CPA6: variants seen among roughly 807,000 people sequenced by gnomAD.
CPA6 encodes carboxypeptidase B.
A neutral mutation model predicts 63.3 loss-of-function variants in CPA6; 58 were observed. The ratio of observed to expected loss-of-function variants is 0.92; its 90% confidence interval spans 0.74 to 1.14. The LOEUF (loss-of-function observed/expected upper bound fraction) is 1.14, where lower values mean the gene tolerates loss of function less well. Among genes scored for constraint, CPA6 ranks in the 50% most tolerant of loss-of-function variants. The pLI, the probability that CPA6 is intolerant of heterozygous loss-of-function variation, is 0.00. For missense variants in CPA6, 565 were observed against 526.6 expected (o/e 1.07, Z -0.71); for synonymous variants, 185 against 179.0 (o/e 1.03, Z -0.27).
rs144893942 is a variant in CPA6 at position 67,554,362 on chromosome 8, T to C, written c.193-36315A>G. Among the ~76,000 whole-genome samples the C allele has an allele frequency of 4.6e-3, 694 of 152,202 alleles. 4 individuals carry two copies. Among genetic ancestry groups the C allele is most frequent in the African/African-American group, 0.016 (648 of 41,532 alleles). ...GAGCAAGAGAGAATAAGAGAGGTGC[T>C]ACACAATTTTAAACAACCAGGTTTC... On this transcript the variant is annotated intron_variant, in intron 2 of 10. Transcript: ENST00000297770.
intron 1 of CPA6, among the ~76,000 whole-genome samples, chr8:67,658,217 G>T (rs13439620): frequency 0.04 from 6,055 of 152,056 alleles, 265 homozygotes; most frequent in African/African-American, 0.1. Flanking sequence ...TCCATCTGAG[G>T]TTTGCCACTG....
At chr8:67,539,464 A>G (rs185901013) in intron 2 of CPA6, among the ~76,000 whole-genome samples, 77 of 152,212 alleles carry the variant, frequency 5.1e-4, no homozygotes, top group African/African-American at 1.7e-3. Context: ...GAATCTGACA[A>G]TTATGTGTCT....
intron 2 of CPA6, among the ~76,000 whole-genome samples, chr8:67,549,642 C>T (rs533933081): frequency 3.2e-4 from 49 of 152,284 alleles, no homozygotes; most frequent in African/African-American, 1.1e-3. Context: ...TCCATTTCCC[C>T]CCATCTCTCC....
chr8:67,537,711 T>C (rs1179326441), intron 2 of CPA6, among the ~76,000 whole-genome samples: 1 of 152,210 alleles, frequency 6.6e-6, no homozygotes, highest in Non-Finnish European at 1.5e-5. Flanking sequence ...ATCTTAGTTA[T>C]TCCTTGTCTT....
intron 1 of CPA6, among the ~76,000 whole-genome samples, chr8:67,637,181 G>A (rs1233811394): frequency 1.3e-5 from 2 of 151,678 alleles, no homozygotes; most frequent in South Asian, 2.1e-4. Context: ...CCTGACAGCT[G>A]GACTTCACTT....
intron 2 of CPA6, among the ~76,000 whole-genome samples, chr8:67,564,415 C>CTTTTTTT (rs200491437): frequency 7.1e-6 from 1 of 141,156 alleles, no homozygotes. Context: ...TAAAAGTGTT[C>CTTTTTTT]TTTTTTTTTT....
At chr8:67,627,399 G>C (rs1815216736) in intron 1 of CPA6, among the ~76,000 whole-genome samples, 1 of 152,160 alleles carries the variant, frequency 6.6e-6, no homozygotes, top group Admixed American at 6.5e-5. Context: ...ATCAGAGGAG[G>C]TGAGCTTAGA....
At chr8:67,678,225 T>TCACACACACACACACACACACA (rs200034998) in intron 1 of CPA6, among the ~76,000 whole-genome samples, 1 of 142,954 alleles carries the variant, frequency 7.0e-6, no homozygotes, top group Admixed American at 6.9e-5. Context: ...TAAAACTCTG[T>TCACACACACACACACACACACA]CTCACACACA....
At chr8:67,694,828 C>T (rs1172177506) in intron 1 of CPA6, among the ~76,000 whole-genome samples, 2 of 152,164 alleles carry the variant, frequency 1.3e-5, no homozygotes, top group African/African-American at 4.8e-5. Flanking sequence ...CTGGGCAGAA[C>T]TTTGAGCAGT....
intron 8 of CPA6, among the ~76,000 whole-genome samples, chr8:67,474,999 C>T (rs962809839): frequency 2.0e-5 from 3 of 151,960 alleles, no homozygotes; most frequent in African/African-American, 7.2e-5. Flanking sequence ...ATCTTAAAAA[C>T]AAAAACAAAA....
chr8:67,607,104 C>T (rs1057093420), intron 2 of CPA6, among the ~76,000 whole-genome samples: 1 of 143,296 alleles, frequency 7.0e-6, no homozygotes, highest in African/African-American at 2.7e-5. Flanking sequence ...TCTTCTTCTT[C>T]TTTCCTCCTC....
chr8:67,539,311 G>A (rs985051051), intron 2 of CPA6, among the ~76,000 whole-genome samples: 4 of 152,174 alleles, frequency 2.6e-5, no homozygotes, highest in East Asian at 3.8e-4. Context: ...CTTTAAGAAC[G>A]TTGAATATTG....
At chr8:67,690,259 A>C (rs543855028) in intron 1 of CPA6, among the ~76,000 whole-genome samples, 6 of 152,360 alleles carry the variant, frequency 3.9e-5, no homozygotes, top group African/African-American at 1.4e-4. Context: ...TGGTCTGCAT[A>C]GAATTCTCAT....
At chr8:67,474,143 G>A (rs1023865133) in intron 8 of CPA6, among the ~76,000 whole-genome samples, 1 of 152,190 alleles carries the variant, frequency 6.6e-6, no homozygotes, top group Non-Finnish European at 1.5e-5. Flanking sequence ...GCCGAGGTGA[G>A]CGCACCAAAG....
At chr8:67,440,299 G>A (rs762143682) in intron 8 of CPA6, among the ~76,000 whole-genome samples, 2 of 152,068 alleles carry the variant, frequency 1.3e-5, no homozygotes, top group African/African-American at 2.4e-5. Context: ...GGCCAGGTAT[G>A]GTGACTCACA....
intron 1 of CPA6, among the ~76,000 whole-genome samples, chr8:67,698,977 AG>A (rs1461808768): frequency 6.6e-6 from 1 of 152,232 alleles, no homozygotes; most frequent in Non-Finnish European, 1.5e-5. Context: ...ACTCTGCACA[AG>A]GTAAGCAGTG....
intron 8 of CPA6, among the ~76,000 whole-genome samples, chr8:67,476,080 T>C (rs1374914565): frequency 6.6e-6 from 1 of 151,092 alleles, no homozygotes; most frequent in African/African-American, 2.4e-5. Context: ...AGTGGTGCGA[T>C]CTTGGCTCAC....
intron 1 of CPA6, chr8:67,735,677 C>CTTTTTTTTTTTTTTTTTTTTT (rs199533677): frequency 6.9e-6 from 1 of 145,188 alleles, no homozygotes. Flanking sequence ...TAGTGGCAGT[C>CTTTTTTTTTTTTTTTTTTTTT]TTTTTTTTTT....
chr8:67,521,999 G>A (rs577146731), intron 2 of CPA6, among the ~76,000 whole-genome samples: 12 of 152,142 alleles, frequency 7.9e-5, no homozygotes, highest in African/African-American at 2.7e-4. Flanking sequence ...TAGTGATAGC[G>A]GCAGGAGACA....
Sources: allele counts gnomAD v4.1 joint callset (sites outside exome capture counted in the v4.1 genomes callset), GRCh38; gene constraint gnomAD v4.1.1; transcripts MANE v1.5; gene names NCBI Gene and HGNC (gene_info 2026-07-23, HGNC 2026-07-21).